Variants in SLC25A16 observed in about 807,000 individuals in gnomAD.
SLC25A16 encodes mitochondrial coenzyme A transporter SLC25A16.
A neutral mutation model predicts 41.5 loss-of-function variants in SLC25A16; 39 were observed. That is an observed-to-expected ratio of 0.94 (90% CI 0.73 to 1.23). SLC25A16 has a LOEUF of 1.23. SLC25A16 is among the 50% of genes most tolerant of loss of function. The probability of loss-of-function intolerance (pLI) is 0.00; values close to 1 mark genes in which losing one functional copy is unlikely to be tolerated. For synonymous variants in SLC25A16, 146 were observed against 147.8 expected (o/e 0.99, Z 0.09); for missense variants, 421 against 426.9 (o/e 0.99, Z 0.12).
intron 4 of SLC25A16, chr10:68,496,655 A>C: frequency 1.0e-6 from 1 of 976,314 alleles, no homozygotes; most frequent in African/African-American, 1.8e-5. Context: ...TTTTTCTCTA[A>C]ATTCTCATCA....
intron 2 of SLC25A16, among the ~76,000 whole-genome samples, chr10:68,509,746 T>C (rs999399432): frequency 6.9e-6 from 1 of 143,992 alleles, no homozygotes; most frequent in Non-Finnish European, 1.5e-5. Context: ...TATATATCTA[T>C]ATATATAGAT....
chr10:68,510,637 G>A (rs905656011), intron 2 of SLC25A16, among the ~76,000 whole-genome samples: 3 of 151,998 alleles, frequency 2.0e-5, no homozygotes, highest in African/African-American at 4.8e-5. Context: ...TCAGGAGATC[G>A]AGACTATCCT....
Position 68,483,029 on chromosome 10 carries a change from G to A in SLC25A16, c.*403C>T, listed in dbSNP as rs1486321427. 1 of 153,220 alleles carries A rather than the reference G, an allele frequency of 6.5e-6. No individual in the cohort carries two copies. Among genetic ancestry groups the A allele is most frequent in the Admixed American group, 6.6e-5 (1 of 15,264 alleles). 9.5% of individuals were successfully genotyped at this position (153,220 alleles called of 1,614,324 possible). Reference sequence around the variant, plus strand: ...AAAATTCAATTCTCATTATTCTATTGCAATATAACCAACCCTGTTTATTTT... The same window carrying A: ...AAAATTCAATTCTCATTATTCTATTACAATATAACCAACCCTGTTTATTTT... On this transcript the variant is annotated 3_prime_UTR_variant, in exon 9 of 9. Coordinates refer to ENST00000609923, the MANE Select transcript of SLC25A16 (RefSeq NM_152707.4).
intron 2 of SLC25A16, among the ~76,000 whole-genome samples, chr10:68,509,605 A>G (rs1404264709): frequency 1.3e-5 from 2 of 151,480 alleles, no homozygotes; most frequent in African/African-American, 4.8e-5. Flanking sequence ...CAGGAGGCTG[A>G]GGCAGGAAGA....
intron 3 of SLC25A16, 105 bp downstream of exon 3, chr10:68,506,479 TA>T: frequency 2.5e-6 from 2 of 804,284 alleles, no homozygotes; most frequent in South Asian, 3.7e-5. Context: ...TTTAACTTTT[TA>T]AAAATATGAA....
chr10:68,482,380 A>T lies in SLC25A16; in HGVS notation c.*1052T>A, dbSNP rs947773286. On this transcript the variant is annotated 3_prime_UTR_variant, in exon 9 of 9. Coordinates refer to ENST00000609923, the MANE Select transcript of SLC25A16 (RefSeq NM_152707.4). The stretch of plus-strand genomic sequence containing the variant: ...CATTTTAAAACATTTTCTTAATATA[A>T]AGGATAACAATTCAAATCATATTTT... The T allele has an allele frequency of 6.6e-6, 1 of 152,612 alleles. No homozygotes were observed. The highest frequency in any genetic ancestry group is 1.5e-5 in the Non-Finnish European group (1 of 68,044). 9.5% of individuals were successfully genotyped at this position (152,612 alleles called of 1,614,324 possible).
At chr10:68,487,052 C>A (rs1590091401) in intron 8 of SLC25A16, 92 bp downstream of exon 8, 2 of 767,700 alleles carry the variant, frequency 2.6e-6, no homozygotes, top group East Asian at 3.5e-5. Flanking sequence ...ACGGAAGATA[C>A]AGACTATTGG....
intron 4 of SLC25A16, among the ~76,000 whole-genome samples, chr10:68,500,434 C>T (rs1405812585): frequency 1.3e-5 from 2 of 151,980 alleles, no homozygotes; most frequent in African/African-American, 2.4e-5. Flanking sequence ...CAGCCTCCCA[C>T]GTATCTGGGA....
rs1223932628 is a variant in SLC25A16, at chr10:68,478,352, A to G, written c.*5080T>C. The G allele has an allele frequency of 6.6e-6, 1 of 152,220 alleles. No homozygotes were observed. Among genetic ancestry groups the G allele is most frequent in the African/African-American group, 2.4e-5 (1 of 41,466 alleles). 9.4% of individuals were successfully genotyped at this position (152,220 alleles called of 1,614,324 possible). The stretch of plus-strand genomic sequence containing the variant: ...TTGTTATTATTTATCACCAGTTTCT[A>G]GTGCCCAATACTAGAATGTGTCTGG... On this transcript the variant is annotated 3_prime_UTR_variant, in exon 9 of 9. Coordinates refer to ENST00000609923, the MANE Select transcript of SLC25A16 (RefSeq NM_152707.4).
intron 3 of SLC25A16, among the ~76,000 whole-genome samples, chr10:68,504,767 G>A (rs1341776923): frequency 9.9e-5 from 15 of 152,028 alleles, no homozygotes; most frequent in Admixed American, 3.3e-4. Flanking sequence ...TGCAACCTCC[G>A]TATCCCGGGT....
intron 4 of SLC25A16, among the ~76,000 whole-genome samples, chr10:68,498,584 T>A (rs559933627): frequency 6.6e-6 from 1 of 152,276 alleles, no homozygotes; most frequent in South Asian, 2.1e-4. Flanking sequence ...CAGTCCTGGT[T>A]ACCCAGGAGG....
intron 4 of SLC25A16, among the ~76,000 whole-genome samples, chr10:68,501,256 A>T (rs1462571212): frequency 6.6e-6 from 1 of 152,282 alleles, no homozygotes; most frequent in East Asian, 1.9e-4. Flanking sequence ...ATCTCAAAAA[A>T]AAAAAGTGAT....
At chr10:68,500,368 C>G (rs1332604779) in intron 4 of SLC25A16, among the ~76,000 whole-genome samples, 1 of 152,084 alleles carries the variant, frequency 6.6e-6, no homozygotes, top group Non-Finnish European at 1.5e-5. Context: ...AGTGTAGTAA[C>G]GCGATCTGGG....
intron 2 of SLC25A16, among the ~76,000 whole-genome samples, chr10:68,512,596 G>A (rs2053083994): frequency 1.8e-5 from 2 of 113,454 alleles, no homozygotes; most frequent in South Asian, 3.1e-4. Context: ...CCGAGATCCC[G>A]CCACTGCACT....
In SLC25A16 at chr10:68,479,483, G is replaced by A. The variant is rs1252811307; in HGVS notation, c.*3949C>T. The A allele has an allele frequency of 6.6e-6, 1 of 152,218 alleles. No individual in the cohort carries two copies. The highest frequency in any genetic ancestry group is 2.4e-5 in the African/African-American group (1 of 41,456). The allele number at this position is 152,218 out of a possible 1,614,324, so 9.4% of individuals were successfully genotyped here. On this transcript the variant is annotated 3_prime_UTR_variant, in exon 9 of 9. Coordinates refer to ENST00000609923, the MANE Select transcript of SLC25A16 (RefSeq NM_152707.4). ...CAAGGTCTGGCACACAATTGGTGCT[G>A]AATAAATGGATGGTCAGTACCACGG...
intron 2 of SLC25A16, among the ~76,000 whole-genome samples, chr10:68,510,916 C>T (rs2133570153): frequency 6.6e-6 from 1 of 152,056 alleles, no homozygotes; most frequent in South Asian, 2.1e-4. Flanking sequence ...TGGGGAGGTA[C>T]CTGGAATAAA....
At chr10:68,511,062 C>A (rs1280850333) in intron 2 of SLC25A16, among the ~76,000 whole-genome samples, 2 of 151,992 alleles carry the variant, frequency 1.3e-5, no homozygotes, top group African/African-American at 4.8e-5. Context: ...CACAGTGATA[C>A]CCCGTCTGTA....
chr10:68,490,091 T>C (rs1564911112), intron 6 of SLC25A16, among the ~76,000 whole-genome samples: 1 of 152,026 alleles, frequency 6.6e-6, no homozygotes, highest in African/African-American at 2.4e-5. Flanking sequence ...TGAGAACTCA[T>C]CACTACAAAA....
At chr10:68,503,750 C>T (rs2052899146) in intron 3 of SLC25A16, 55 bp from the exon 4 acceptor site, 5 of 1,043,602 alleles carry the variant, frequency 4.8e-6, no homozygotes. Flanking sequence ...CTGCCCATTT[C>T]ACTGTTTAAT....
Sources: allele counts gnomAD v4.1 joint callset (sites outside exome capture counted in the v4.1 genomes callset), GRCh38; gene constraint gnomAD v4.1.1; transcripts MANE v1.5; gene names NCBI Gene and HGNC (gene_info 2026-07-23, HGNC 2026-07-21).